The following SGMS1 variants were observed in gnomAD, a reference collection of about 807,000 sequenced individuals.
SGMS1 encodes the protein phosphatidylcholine:ceramide cholinephosphotransferase 1.
Under a neutral mutation model 46.2 loss-of-function variants are expected in SGMS1, and 13 were observed. The observed-to-expected ratio is 0.28, with a 90% CI of 0.18 to 0.45. SGMS1 has a LOEUF of 0.45. Among genes scored for constraint, SGMS1 ranks in the 20% least tolerant of loss-of-function variants. SGMS1 has a pLI of 1.00. For synonymous variants in SGMS1, 203 were observed against 187.8 expected (o/e 1.08, Z -0.66); for missense variants, 324 against 519.9 (o/e 0.62, Z 3.66).
intron 2 of SGMS1, among the ~76,000 whole-genome samples, chr10:50,575,243 G>A (rs765426630): frequency 3.3e-5 from 5 of 152,010 alleles, no homozygotes; most frequent in South Asian, 4.2e-4. Context: ...AAGACATTAT[G>A]CACTTAAAAA....
intron 3 of SGMS1, among the ~76,000 whole-genome samples, chr10:50,475,068 T>C (rs1837408226): frequency 6.6e-6 from 1 of 152,186 alleles, no homozygotes; most frequent in African/African-American, 2.4e-5. Context: ...AAGAGATTCC[T>C]GGGTATGTTT....
At chr10:50,373,599 G>A (rs1024994658) in intron 6 of SGMS1, among the ~76,000 whole-genome samples, 3 of 152,104 alleles carry the variant, frequency 2.0e-5, no homozygotes, top group Non-Finnish European at 4.4e-5. Context: ...GGTTACTTCA[G>A]TATAAAAGAC....
intron 5 of SGMS1, among the ~76,000 whole-genome samples, chr10:50,440,270 TAA>T (rs199536570): frequency 2.7e-4 from 40 of 148,704 alleles, no homozygotes; most frequent in Admixed American, 1.3e-3. Flanking sequence ...CAACCCAAAT[TAA>T]AAAATATATA....
At chr10:50,313,564 A>T (rs1045916652) in intron 8 of SGMS1, among the ~76,000 whole-genome samples, 2 of 152,226 alleles carry the variant, frequency 1.3e-5, no homozygotes, top group Non-Finnish European at 1.5e-5. Context: ...AATTTTTTTT[A>T]AAGTTTCAAA....
At position 50,514,232 on chromosome 10, in the gene SGMS1, A is replaced by G. The variant is rs942112053; in HGVS notation, c.-498+5599T>C. ...AAACTCATAAAAGGGCGAGGAGAAG[A>G]AAAACTAACATTCTGGTGATTGTCT... On this transcript the variant is annotated intron_variant, in intron 3 of 10. Transcript: ENST00000361781. Among the ~76,000 whole-genome samples, 10 of 152,228 alleles carry G rather than the reference A, an allele frequency of 6.6e-5. No individual in the cohort carries two copies. The East Asian group carries it at 1.9e-3, about 29-fold the overall frequency.
At chr10:50,371,713 TGAGCA>T in intron 6 of SGMS1, among the ~76,000 whole-genome samples, 1 of 152,184 alleles carries the variant, frequency 6.6e-6, no homozygotes, top group Non-Finnish European at 1.5e-5. Flanking sequence ...AAGCCTTCTC[TGAGCA>T]TCCTCTCTGA....
intron 2 of SGMS1, among the ~76,000 whole-genome samples, chr10:50,567,830 TC>T (rs1489845372): frequency 1.3e-5 from 2 of 152,342 alleles, no homozygotes; most frequent in Middle Eastern, 3.4e-3. Flanking sequence ...GGAAAAGATA[TC>T]CCTTCCTGCT....
chr10:50,591,385 A>C (rs1200066339), intron 1 of SGMS1, among the ~76,000 whole-genome samples: 1 of 152,150 alleles, frequency 6.6e-6, no homozygotes, highest in African/African-American at 2.4e-5. Flanking sequence ...CCAACCCCAC[A>C]GCCAAATGGC....
chr10:50,518,514 C>T (rs1463771077), intron 3 of SGMS1, among the ~76,000 whole-genome samples: 2 of 152,146 alleles, frequency 1.3e-5, no homozygotes, highest in Non-Finnish European at 2.9e-5. Context: ...GCAACCTCCG[C>T]CTCCTGGGTT....
chr10:50,620,555 G>A lies in SGMS1; in HGVS notation c.-684+3152C>T, dbSNP rs189244342. On this transcript the variant is annotated intron_variant, in intron 1 of 10. Transcript: ENST00000361781. ...ATTGATCAAATTTGTGTGAGAAAAT[G>A]CAACAGATTCTTCTGACAGGATTGC... is the stretch of plus-strand genomic sequence containing the variant. 1.3e-3 allele frequency among the ~76,000 whole-genome samples: 196 copies of A among 152,324 alleles called. 2 individuals are homozygous for A. The highest frequency in any genetic ancestry group is 4.7e-3 in the Admixed American group (72 of 15,308).
intron 3 of SGMS1, among the ~76,000 whole-genome samples, chr10:50,494,054 C>T (rs1424849459): frequency 6.6e-6 from 1 of 152,218 alleles, no homozygotes; most frequent in Admixed American, 6.5e-5. Context: ...GCCTTGGCCT[C>T]CCAAAGTGCT....
chr10:50,423,325 C>G (rs1411986600), intron 6 of SGMS1, among the ~76,000 whole-genome samples: 1 of 152,142 alleles, frequency 6.6e-6, no homozygotes, highest in East Asian at 1.9e-4. Context: ...CCAAGAGAGA[C>G]AATTCCTCCT....
At chr10:50,413,065 C>T (rs1369774223) in intron 6 of SGMS1, among the ~76,000 whole-genome samples, 2 of 152,036 alleles carry the variant, frequency 1.3e-5, no homozygotes, top group Admixed American at 1.3e-4. Flanking sequence ...TTTTAAAAAG[C>T]ATCAGTCAAT....
intron 3 of SGMS1, among the ~76,000 whole-genome samples, chr10:50,496,007 T>A (rs557079430): frequency 1.4e-4 from 21 of 152,136 alleles, no homozygotes; most frequent in Non-Finnish European, 2.2e-4. Context: ...AACAATTTTT[T>A]AAAAATAAAA....
chr10:50,621,191 C>CAA (rs79330135), intron 1 of SGMS1, among the ~76,000 whole-genome samples: 18 of 151,088 alleles, frequency 1.2e-4, no homozygotes, highest in East Asian at 3.9e-4. Context: ...GAAAAACAAA[C>CAA]AAAAAAAAAC....
At chr10:50,506,075 T>A (rs1230649929) in intron 3 of SGMS1, among the ~76,000 whole-genome samples, 1 of 152,140 alleles carries the variant, frequency 6.6e-6, no homozygotes, top group Non-Finnish European at 1.5e-5. Context: ...TCCCTTGTCC[T>A]GGAATACTCT....
chr10:50,579,782 A>G (rs1245584613), intron 2 of SGMS1, among the ~76,000 whole-genome samples: 2 of 152,208 alleles, frequency 1.3e-5, no homozygotes. Flanking sequence ...AAAGAAGAGA[A>G]TATGCAATGA....
intron 6 of SGMS1, among the ~76,000 whole-genome samples, chr10:50,371,860 C>T (rs28597717): frequency 0.016 from 2,409 of 152,264 alleles, 73 homozygotes; most frequent in African/African-American, 0.054. Context: ...AGGGGGTGAG[C>T]TCATCCTTTT....
At chr10:50,506,167 A>G (rs999179498) in intron 3 of SGMS1, among the ~76,000 whole-genome samples, 97 of 152,186 alleles carry the variant, frequency 6.4e-4, no homozygotes, top group African/African-American at 2.1e-3. Context: ...TAGATCCTAC[A>G]TTACACACTT....
Sources: allele counts gnomAD v4.1 joint callset (sites outside exome capture counted in the v4.1 genomes callset), GRCh38; gene constraint gnomAD v4.1.1; transcripts MANE v1.5; gene names NCBI Gene and HGNC (gene_info 2026-07-23, HGNC 2026-07-21).